Variants in HYAL4 observed in about 807,000 individuals in gnomAD.
The protein encoded by HYAL4 is hyaluronidase 4, also known as hyaluronidase-4.
HYAL4 carries 37 observed loss-of-function variants against 35.2 expected under a neutral mutation model. The ratio of observed to expected loss-of-function variants is 1.05; its 90% confidence interval spans 0.81 to 1.38. The LOEUF is 1.38. Ranked by LOEUF, HYAL4 falls within the 40% of genes most tolerant of loss-of-function variation. HYAL4 has a pLI of 0.00. For synonymous variants in HYAL4, 198 were observed against 203.2 expected (o/e 0.97, Z 0.22); for missense variants, 572 against 572.4 (o/e 1.00, Z 0.01).
chr7:123,860,559 G>T (rs1026516966), intron 2 of HYAL4, among the ~76,000 whole-genome samples: 1 of 152,162 alleles, frequency 6.6e-6, no homozygotes, highest in African/African-American at 2.4e-5. Flanking sequence ...TTATCAATAT[G>T]TAGAAGAAAC....
the HYAL4 span, among the ~76,000 whole-genome samples, chr7:123,791,554 A>G: frequency 1.9e-3 from 294 of 152,316 alleles, 2 homozygotes; most frequent in African/African-American, 6.3e-3. Flanking sequence ...TGGGGCTTAC[A>G]TATTCCCAGG....
At chr7:123,777,289 C>G in the HYAL4 span, among the ~76,000 whole-genome samples, 1 of 151,290 alleles carries the variant, frequency 6.6e-6, no homozygotes, top group Non-Finnish European at 1.5e-5. Context: ...ATTTCTGAAA[C>G]AGTATAAAAA....
the HYAL4 span, among the ~76,000 whole-genome samples, chr7:123,764,337 T>C: frequency 6.6e-6 from 1 of 152,310 alleles, no homozygotes; most frequent in East Asian, 1.9e-4. Context: ...CCCGGGTGAG[T>C]TGTCCCTTGT....
At chr7:123,869,550 C>G (rs190153198) in intron 3 of HYAL4, among the ~76,000 whole-genome samples, 2 of 152,086 alleles carry the variant, frequency 1.3e-5, no homozygotes, top group South Asian at 2.1e-4. Context: ...TTGAAATGAT[C>G]GGCAGTGAGC....
chr7:123,795,867 C>A, the HYAL4 span, among the ~76,000 whole-genome samples: 1 of 152,170 alleles, frequency 6.6e-6, no homozygotes, highest in Non-Finnish European at 1.5e-5. Flanking sequence ...AGTACTGCAT[C>A]ATGGTTGGAT....
At chr7:123,776,507 G>T in the HYAL4 span, among the ~76,000 whole-genome samples, 816 of 152,206 alleles carry the variant, frequency 5.4e-3, 10 homozygotes, top group African/African-American at 0.019. Flanking sequence ...TCAAACTTCC[G>T]GGCTCAAGTG....
chr7:123,870,379 T>C (rs1806844938), intron 3 of HYAL4, among the ~76,000 whole-genome samples: 1 of 152,164 alleles, frequency 6.6e-6, no homozygotes, highest in Non-Finnish European at 1.5e-5. Context: ...AAAGTCTCTG[T>C]TGTGAACTTC....
chr7:123,872,077 ATTCTGGGC>A (rs1288756427), intron 3 of HYAL4, among the ~76,000 whole-genome samples: 1 of 152,144 alleles, frequency 6.6e-6, no homozygotes, highest in Non-Finnish European at 1.5e-5. Flanking sequence ...GTAGTGGTGA[ATTCTGGGC>A]TTCTAGTGTA....
chr7:123,819,751 A>T, the HYAL4 span, among the ~76,000 whole-genome samples: 3 of 152,284 alleles, frequency 2.0e-5, no homozygotes, highest in East Asian at 5.8e-4. Flanking sequence ...AGACTAAAAT[A>T]AAACCTCCTC....
intron 2 of HYAL4, among the ~76,000 whole-genome samples, chr7:123,867,827 T>C (rs1806726666): frequency 6.6e-6 from 1 of 152,228 alleles, no homozygotes; most frequent in African/African-American, 2.4e-5. Flanking sequence ...AATGTAATTA[T>C]AAGCCTTATG....
chr7:123,778,713 A>T, the HYAL4 span, among the ~76,000 whole-genome samples: 1 of 152,166 alleles, frequency 6.6e-6, no homozygotes, highest in Non-Finnish European at 1.5e-5. Context: ...CTTGATTAAG[A>T]TGGTGTCCAC....
the HYAL4 span, among the ~76,000 whole-genome samples, chr7:123,804,825 G>A: frequency 6.6e-6 from 1 of 152,192 alleles, no homozygotes; most frequent in Non-Finnish European, 1.5e-5. Flanking sequence ...TTATTCCACA[G>A]TTATTTCACA....
At chr7:123,869,833 G>GCCC (rs201841344) in intron 3 of HYAL4, among the ~76,000 whole-genome samples, 10 of 134,142 alleles carry the variant, frequency 7.5e-5, no homozygotes, top group African/African-American at 8.3e-5. Context: ...GTTTACAGGT[G>GCCC]CTCACCCCCC....
the HYAL4 span, among the ~76,000 whole-genome samples, chr7:123,773,328 GTTTCA>G: frequency 2.0e-5 from 3 of 151,970 alleles, no homozygotes; most frequent in Admixed American, 1.3e-4. Context: ...AATATTTACT[GTTTCA>G]TTTATTTAAT....
At chr7:123,765,251 C>CAG in the HYAL4 span, among the ~76,000 whole-genome samples, 52,723 of 151,862 alleles carry the variant, frequency 0.35, 9,352 homozygotes, top group Middle Eastern at 0.43. Flanking sequence ...AAGATGATAA[C>CAG]AGAGATGCTT....
upstream of HYAL4, among the ~76,000 whole-genome samples, chr7:123,827,358 A>G (rs1805813790): frequency 6.6e-6 from 1 of 152,104 alleles, no homozygotes; most frequent in Non-Finnish European, 1.5e-5. Context: ...CCCAAGTTGA[A>G]GTTGATTATA....
the HYAL4 span, among the ~76,000 whole-genome samples, chr7:123,801,352 A>T: frequency 6.6e-6 from 1 of 152,204 alleles, no homozygotes; most frequent in African/African-American, 2.4e-5. Context: ...TAATTCAGAA[A>T]AGGAATACTG....
chr7:123,830,670 G>A (rs1283040570), intron 1 of HYAL4, among the ~76,000 whole-genome samples: 1 of 152,120 alleles, frequency 6.6e-6, no homozygotes, highest in Non-Finnish European at 1.5e-5. Flanking sequence ...TTCACAAGCA[G>A]TATGTTATAA....
rs1219350036 is a variant in HYAL4, at chr7:123,868,291, A to C, written c.18A>C (p.Glu6Asp). The change falls in exon 3 of 5, where the codon GAA becomes GAC. Residue 6 changes from glutamate to aspartate, a missense_variant. By Grantham distance (45) the Glu-to-Asp change is conservative. Coordinates refer to ENST00000223026, the MANE Select transcript of HYAL4 (RefSeq NM_012269.3). ...ATCTTACCATGAAAGTATTATCTGA[A>C]GGACAGTTAAAGCTTTGTGTTGTTC... MKVLSEGQLKLCVVQP... is the reference protein window; with the variant it reads MKVLSDGQLKLCVVQP... 1 of 1,553,968 alleles carries C rather than the reference A, an allele frequency of 6.4e-7. No individual in the cohort carries two copies. Among genetic ancestry groups the C allele is most frequent in the African/African-American group, 1.4e-5 (1 of 72,140 alleles).
Sources: gnomAD v4.1 joint callset for allele counts (sites outside exome capture counted in the v4.1 genomes callset) on GRCh38, gnomAD v4.1.1 for gene constraint, MANE v1.5 for transcripts, NCBI Gene and HGNC (gene_info 2026-07-23, HGNC 2026-07-21) for gene names.